The following NXPE2 variants were observed in gnomAD, a reference collection of about 807,000 sequenced individuals.
NXPE2 encodes neurexophilin and PC-esterase domain family member 2, also known as NXPE family member 2.
In NXPE2, 34 loss-of-function variants were observed where a neutral mutation model predicts 34.4. The observed-to-expected ratio is 0.99, with a 90% CI of 0.75 to 1.31. NXPE2 has a LOEUF of 1.31. Ranked by LOEUF, NXPE2 falls within the 40% of genes most tolerant of loss-of-function variation. NXPE2 has a pLI of 0.00. For missense variants in NXPE2, 649 were observed against 672.5 expected (o/e 0.97, Z 0.39); for synonymous variants, 235 against 231.3 (o/e 1.02, Z -0.15).
the NXPE2 span, among the ~76,000 whole-genome samples, chr11:114,479,268 G>A: frequency 1.3e-5 from 2 of 152,258 alleles, no homozygotes; most frequent in Non-Finnish European, 2.9e-5. Flanking sequence ...CCAGAGATTG[G>A]TATAATTGGA....
At chr11:114,711,775 G>C (rs1219993757), downstream of NXPE2, among the ~76,000 whole-genome samples, 1 of 152,036 alleles carries the variant, frequency 6.6e-6, no homozygotes, top group Non-Finnish European at 1.5e-5. Flanking sequence ...GAATCTCAAG[G>C]GATGTTGAGT....
chr11:114,592,514 AAC>A, the NXPE2 span, among the ~76,000 whole-genome samples: 33 of 151,008 alleles, frequency 2.2e-4, no homozygotes, highest in South Asian at 8.4e-4. Context: ...GAAATTGGAG[AAC>A]ACACACACAC....
the NXPE2 span, chr11:114,513,205 C>A: frequency 7.4e-6 from 4 of 542,370 alleles, no homozygotes; most frequent in Non-Finnish European, 1.1e-5. Flanking sequence ...GCAGGATGTC[C>A]AGCTGGTGCC....
the NXPE2 span, among the ~76,000 whole-genome samples, chr11:114,548,726 A>G: frequency 6.6e-6 from 1 of 152,048 alleles, no homozygotes; most frequent in Non-Finnish European, 1.5e-5. Context: ...TAAATGAATT[A>G]AACACCCAGT....
the NXPE2 span, chr11:114,530,554 C>T: frequency 1.2e-6 from 2 of 1,613,890 alleles, no homozygotes; most frequent in African/African-American, 1.3e-5. Context: ...TTTCCTGAAG[C>T]ACCTGCCGTC....
the NXPE2 span, among the ~76,000 whole-genome samples, chr11:114,465,966 G>A: frequency 3.9e-5 from 6 of 152,108 alleles, no homozygotes; most frequent in East Asian, 7.7e-4. Flanking sequence ...CATTTTTCAG[G>A]TACTGCTTTT....
At chr11:114,632,212 T>C in the NXPE2 span, among the ~76,000 whole-genome samples, 57 of 141,118 alleles carry the variant, frequency 4.0e-4, 1 homozygote, top group African/African-American at 1.3e-3. Context: ...ATATTATATA[T>C]GTATATGTAT....
the NXPE2 span, chr11:114,512,727 G>A: frequency 1.3e-5 from 2 of 155,636 alleles, no homozygotes; most frequent in Non-Finnish European, 2.8e-5. Flanking sequence ...TGAACGTTGT[G>A]TTGGAAGGAT....
chr11:114,717,382 C>T, the NXPE2 span, among the ~76,000 whole-genome samples: 1 of 152,126 alleles, frequency 6.6e-6, no homozygotes, highest in African/African-American at 2.4e-5. Flanking sequence ...AGTGATGTCC[C>T]TGAACGTGGA....
the NXPE2 span, among the ~76,000 whole-genome samples, chr11:114,743,226 A>T: frequency 8.0e-6 from 1 of 124,880 alleles, no homozygotes; most frequent in Non-Finnish European, 1.7e-5. Flanking sequence ...TCAGGCAAGG[A>T]TTGATGTTTT....
At chr11:114,663,557 G>C in the NXPE2 span, among the ~76,000 whole-genome samples, 1 of 151,046 alleles carries the variant, frequency 6.6e-6, no homozygotes, top group African/African-American at 2.5e-5. Flanking sequence ...ACCATCTCCT[G>C]TCTATCTCTA....
the NXPE2 span, chr11:114,559,980 T>C: frequency 1.3e-5 from 2 of 152,332 alleles, no homozygotes; most frequent in African/African-American, 4.8e-5. Flanking sequence ...TAAACAGTAG[T>C]ACAATTAACT....
chr11:114,709,650 T>C (rs1859572347), downstream of NXPE2, among the ~76,000 whole-genome samples: 1 of 152,210 alleles, frequency 6.6e-6, no homozygotes, highest in African/African-American at 2.4e-5. Flanking sequence ...CTAGTGCCTA[T>C]AATTCCAGCA....
At chr11:114,616,964 GGT>G in the NXPE2 span, among the ~76,000 whole-genome samples, 1 of 145,828 alleles carries the variant, frequency 6.9e-6, no homozygotes, top group East Asian at 2.0e-4. Flanking sequence ...ACTCTTACCC[GGT>G]TTATTATTAG....
At chr11:114,600,502 A>G in the NXPE2 span, among the ~76,000 whole-genome samples, 1 of 152,132 alleles carries the variant, frequency 6.6e-6, no homozygotes, top group Non-Finnish European at 1.5e-5. Flanking sequence ...GCAATGTATA[A>G]CTTCAATGTA....
the NXPE2 span, among the ~76,000 whole-genome samples, chr11:114,555,486 A>G: frequency 4.6e-3 from 698 of 152,320 alleles, 9 homozygotes; most frequent in African/African-American, 0.016. Context: ...TGGCCTCCCA[A>G]AGTGCTGGGA....
chr11:114,538,084 T>C, the NXPE2 span, among the ~76,000 whole-genome samples: 3 of 152,262 alleles, frequency 2.0e-5, no homozygotes, highest in African/African-American at 7.2e-5. Context: ...AACAGAGATG[T>C]AGACCAATGG....
At chr11:114,511,470 A>G in the NXPE2 span, among the ~76,000 whole-genome samples, 1 of 152,174 alleles carries the variant, frequency 6.6e-6, no homozygotes, top group African/African-American at 2.4e-5. Context: ...TGATGGCGTA[A>G]TGGGGAGCTA....
At chr11:114,773,279 A>ACCCCCCCCCCCCCCCCCCC in the NXPE2 span, among the ~76,000 whole-genome samples, 3 of 69,360 alleles carry the variant, frequency 4.3e-5, no homozygotes, top group African/African-American at 1.1e-4. Context: ...ACCCACTCCC[A>ACCCCCCCCCCCCCCCCCCC]CCCCCCCCCC....
Sources: allele counts gnomAD v4.1 joint callset (sites outside exome capture counted in the v4.1 genomes callset), GRCh38; gene constraint gnomAD v4.1.1; transcripts MANE v1.5; gene names NCBI Gene and HGNC (gene_info 2026-07-23, HGNC 2026-07-21).